Variants in KCNIP4 observed in about 807,000 individuals in gnomAD.
KCNIP4 encodes potassium voltage-gated channel interacting protein 4.
A neutral mutation model predicts 34.0 loss-of-function variants in KCNIP4; 12 were observed. The ratio of observed to expected loss-of-function variants is 0.35; its 90% CI spans 0.23 to 0.57. The LOEUF (loss-of-function observed/expected upper bound fraction) is 0.57. Ranked by LOEUF, KCNIP4 falls within the 20% of genes least tolerant of loss-of-function variation. The probability of loss-of-function intolerance (pLI) is 0.83; values close to 1 mark genes in which losing one functional copy is unlikely to be tolerated. For missense variants in KCNIP4, 238 were observed against 311.7 expected (o/e 0.76, Z 1.78); for synonymous variants, 124 against 102.2 (o/e 1.21, Z -1.29).
chr4:21,651,096 C>T (rs2108970137), intron 1 of KCNIP4, among the ~76,000 whole-genome samples: 1 of 131,216 alleles, frequency 7.6e-6, no homozygotes, highest in Admixed American at 7.5e-5. Flanking sequence ...ACATGATCTC[C>T]TTTCTTTAAG....
chr4:20,775,132 C>T (rs1756264069), intron 3 of KCNIP4, among the ~76,000 whole-genome samples: 1 of 152,144 alleles, frequency 6.6e-6, no homozygotes. Context: ...AGGGGAAAAG[C>T]AGACATGGTC....
chr4:21,770,543 A>T (rs551428517), intron 1 of KCNIP4, among the ~76,000 whole-genome samples: 2 of 152,288 alleles, frequency 1.3e-5, no homozygotes, highest in South Asian at 4.1e-4. Context: ...TGTCTTCCAC[A>T]ATGGCTGAAC....
intron 1 of KCNIP4, among the ~76,000 whole-genome samples, chr4:21,250,851 T>A (rs1247757453): frequency 6.6e-6 from 1 of 150,942 alleles, no homozygotes; most frequent in Non-Finnish European, 1.5e-5. Flanking sequence ...ATATCAAACA[T>A]ATGTTAAAAT....
chr4:21,265,477 C>A (rs1408424112), intron 1 of KCNIP4, among the ~76,000 whole-genome samples: 1 of 152,094 alleles, frequency 6.6e-6, no homozygotes, highest in Non-Finnish European at 1.5e-5. Context: ...TGGAAGATGG[C>A]TTTTGTTGAG....
At chr4:20,882,487 A>C in intron 2 of KCNIP4, 121 bp downstream of exon 2, 1 of 701,494 alleles carries the variant, frequency 1.4e-6, no homozygotes, top group South Asian at 1.7e-5. Flanking sequence ...AAACATGAGT[A>C]CATCAATAGA....
chr4:21,268,182 T>G (rs1761933564), intron 1 of KCNIP4, among the ~76,000 whole-genome samples: 1 of 152,204 alleles, frequency 6.6e-6, no homozygotes, highest in Admixed American at 6.5e-5. Context: ...TCAATCTTTC[T>G]ACATTAACAT....
chr4:21,252,129 G>T (rs28404686), intron 1 of KCNIP4, among the ~76,000 whole-genome samples: 2,814 of 112,752 alleles, frequency 0.025, 74 homozygotes, highest in East Asian at 0.16. Flanking sequence ...ATGAGGTTTT[G>T]TTTTTTTTTT....
At chr4:21,210,634 G>A (rs76972668) in intron 1 of KCNIP4, among the ~76,000 whole-genome samples, 6,281 of 152,050 alleles carry the variant, frequency 0.041, 406 homozygotes, top group African/African-American at 0.14. Flanking sequence ...CCAATATTGC[G>A]TCTTATGTGC....
intron 1 of KCNIP4, among the ~76,000 whole-genome samples, chr4:21,551,820 G>A: frequency 6.6e-6 from 1 of 151,984 alleles, no homozygotes; most frequent in Non-Finnish European, 1.5e-5. Context: ...TTAGAATAGA[G>A]GTGGCAGTGC....
In KCNIP4 at chr4:21,681,516, G is replaced by A. The variant is rs188330982; in HGVS notation, c.61+267055C>T. The stretch of plus-strand genomic sequence containing the variant: ...TGCTGCGGCTTCTACATCGGCACTT[G>A]CTCTTTAACCTTGCACTTTTGTGGT... On this transcript the variant is annotated intron_variant, in intron 1 of 8. Transcript: ENST00000382152. Among the ~76,000 whole-genome samples the A allele has an allele frequency of 1.4e-4, 21 of 152,270 alleles. No individual in the cohort carries two copies. In the East Asian group the frequency reaches 3.1e-3, roughly 22 times the overall value.
chr4:20,864,613 G>T (rs1288916766), intron 2 of KCNIP4, among the ~76,000 whole-genome samples: 1 of 151,954 alleles, frequency 6.6e-6, no homozygotes, highest in African/African-American at 2.4e-5. Flanking sequence ...GAGCAGGAGA[G>T]AGGATGATGC....
chr4:21,024,911 T>C (rs952541161), intron 1 of KCNIP4, among the ~76,000 whole-genome samples: 1 of 152,208 alleles, frequency 6.6e-6, no homozygotes, highest in Non-Finnish European at 1.5e-5. Context: ...ATTTTTTTCA[T>C]TGATTAATTT....
chr4:21,192,952 C>CTACTAA lies in KCNIP4; in HGVS notation c.62-310244_62-310243insTTAGTA, dbSNP rs757200407. On this transcript the variant is annotated intron_variant, in intron 1 of 8. Coordinates refer to ENST00000382152, the MANE Select transcript of KCNIP4 (RefSeq NM_025221.6). ...ACTACTACTACTACTACTACTACTA[C>CTACTAA]TAATAATAATAATAATTAGTTGGGT... 1.4e-3 allele frequency among the ~76,000 whole-genome samples: 207 copies of CTACTAA among 145,110 alleles called. 2 individuals are homozygous for CTACTAA. In the East Asian group the frequency reaches 0.02, roughly 14 times the overall value.
chr4:21,728,470 T>C (rs1006975993), intron 1 of KCNIP4, among the ~76,000 whole-genome samples: 6 of 152,178 alleles, frequency 3.9e-5, no homozygotes, highest in Non-Finnish European at 7.3e-5. Flanking sequence ...CAGTAGCCTC[T>C]TCACTAGGTG....
chr4:20,809,000 T>A (rs1407953908), intron 3 of KCNIP4, among the ~76,000 whole-genome samples: 1 of 152,208 alleles, frequency 6.6e-6, no homozygotes, highest in Non-Finnish European at 1.5e-5. Flanking sequence ...CCATCATTCT[T>A]TGTATTTCCA....
At chr4:21,294,933 C>CT (rs553429453) in intron 1 of KCNIP4, among the ~76,000 whole-genome samples, 5 of 152,254 alleles carry the variant, frequency 3.3e-5, no homozygotes, top group South Asian at 2.1e-4. Flanking sequence ...ACATTGTCTT[C>CT]TTTTTTTGTG....
intron 5 of KCNIP4, among the ~76,000 whole-genome samples, chr4:20,741,520 A>G (rs373582447): frequency 2.6e-5 from 4 of 152,216 alleles, no homozygotes; most frequent in East Asian, 1.9e-4. Flanking sequence ...TTTGAAACCA[A>G]TGAGAACAAA....
intron 1 of KCNIP4, chr4:20,984,030 G>A (rs1428014575): frequency 2.7e-6 from 4 of 1,483,110 alleles, no homozygotes; most frequent in Non-Finnish European, 3.6e-6. Flanking sequence ...CTTGCAAGGG[G>A]AAAAAGTGAG....
chr4:21,908,288 T>C (rs1024745982), intron 1 of KCNIP4, among the ~76,000 whole-genome samples: 1 of 152,094 alleles, frequency 6.6e-6, no homozygotes, highest in South Asian at 2.1e-4. Context: ...CCTTCTTTCA[T>C]TCCCTATTGC....
Sources: gnomAD v4.1 joint callset for allele counts (sites outside exome capture counted in the v4.1 genomes callset) on GRCh38, gnomAD v4.1.1 for gene constraint, MANE v1.5 for transcripts, NCBI Gene and HGNC (gene_info 2026-07-23, HGNC 2026-07-21) for gene names.